Variants in USP53 observed in about 807,000 individuals in gnomAD.
USP53 encodes the protein ubiquitin carboxyl-terminal hydrolase 53.
A neutral mutation model predicts 94.9 loss-of-function variants in USP53; 71 were observed. The ratio of observed to expected loss-of-function variants is 0.75; its 90% CI spans 0.62 to 0.91. The LOEUF is 0.91. Among genes scored for constraint, USP53 ranks in the 40% least tolerant of loss-of-function variants. USP53 has a pLI of 0.00. For missense variants in USP53, 1,173 were observed against 1,281.0 expected, an observed-to-expected ratio of 0.92 and a Z score of 1.29; for synonymous variants, 375 against 422.7, an observed-to-expected ratio of 0.89 and a Z score of 1.39.
chr4:119,232,652 C>T (rs548484562), intron 3 of USP53, among the ~76,000 whole-genome samples: 77 of 152,112 alleles, frequency 5.1e-4, no homozygotes, highest in Non-Finnish European at 9.6e-4. Flanking sequence ...AATACAGACT[C>T]ACATTTGCAT....
At position 119,268,505 on chromosome 4, in the gene USP53, C is replaced by T. The variant is rs1751463671; in HGVS notation, c.1288+85C>T. On this transcript the variant is annotated intron_variant, in intron 14 of 18. Transcript: ENST00000692078. ...TATCGGAGGATGCTTACCTAGCTTT[C>T]CTTGGCTGTGAAAAGATAATAACAA... 4 of 1,321,138 alleles carry T rather than the reference C, an allele frequency of 3.0e-6. No individual in the cohort carries two copies. The South Asian group carries it at 6.8e-5, about 22-fold the overall frequency. 81.8% of individuals were successfully genotyped at this position (1,321,138 alleles called of 1,614,324 possible).
intron 7 of USP53, 82 bp downstream of exon 7, chr4:119,248,964 CA>C: frequency 6.5e-7 from 1 of 1,533,408 alleles, no homozygotes; most frequent in Non-Finnish European, 8.8e-7. Context: ...ACAAATGAAA[CA>C]AAAATTTAGA....
At position 119,292,825 on chromosome 4, in the gene USP53, G is replaced by A. The variant is rs868766748; in HGVS notation, c.2836G>A (p.Val946Ile). The change falls in exon 19 of 19, where the codon GTC (valine) becomes ATC (isoleucine). Residue 946 changes from valine (V) to isoleucine (I), a missense_variant. Val to Ile is a conservative substitution (Grantham distance 29). Transcript: ENST00000692078. ...AGAGAAAAGCGAATCTACACCTGAT[G>A]TCAAACTTACAGAGGTGTTTAAAGC... The part of the protein sequence containing the change: ...QSEKSESTPD[V>I]KLTEVFKATS... 1.9e-6 allele frequency: 3 copies of A among 1,613,978 alleles called. No individual in the cohort carries two copies. Among genetic ancestry groups the A allele is most frequent in the Admixed American group, 1.7e-5 (1 of 59,992 alleles).
At chr4:119,273,315 C>CA (rs11366529) in intron 16 of USP53, 3,623 of 141,504 alleles carry the variant, frequency 0.026, 57 homozygotes, top group African/African-American at 0.054. Context: ...GGTCCTGGCT[C>CA]AAAAAAAAAA....
chr4:119,233,171 T>C (rs1746286215), intron 3 of USP53, among the ~76,000 whole-genome samples: 1 of 137,852 alleles, frequency 7.3e-6, no homozygotes, highest in Non-Finnish European at 1.6e-5. Flanking sequence ...TGTTTCTCTC[T>C]CTCTTTTTTT....
At chr4:119,258,198 G>A (rs1409264653) in intron 9 of USP53, among the ~76,000 whole-genome samples, 3 of 152,008 alleles carry the variant, frequency 2.0e-5, no homozygotes, top group Non-Finnish European at 4.4e-5. Context: ...AACCCAGATC[G>A]GTCTGACTTC....
At chr4:119,251,060 C>A (rs995757651) in intron 7 of USP53, among the ~76,000 whole-genome samples, 3 of 151,470 alleles carry the variant, frequency 2.0e-5, no homozygotes, top group Non-Finnish European at 4.4e-5. Flanking sequence ...CCCCTAGCCC[C>A]CCACCCCCCA....
At position 119,259,936 on chromosome 4, in the gene USP53, T is replaced by C; in HGVS notation, c.675+11T>C. 1 of 1,585,610 alleles carries C rather than the reference T, an allele frequency of 6.3e-7. No homozygotes were observed. Among genetic ancestry groups the C allele is most frequent in the Non-Finnish European group, 8.6e-7 (1 of 1,163,204 alleles). Reference sequence around the variant, plus strand: ...TATAGGAAATGTCCTGTAAGTATAGTTTGGAGAATATTAGTATGCTTCTTG... The same window carrying C: ...TATAGGAAATGTCCTGTAAGTATAGCTTGGAGAATATTAGTATGCTTCTTG... On this transcript the variant is annotated intron_variant, in intron 10 of 18. Coordinates refer to ENST00000692078, the MANE Select transcript of USP53 (RefSeq NM_001371395.1).
chr4:119,271,551 A>G lies in USP53; in HGVS notation c.1691A>G (p.Gln564Arg). Residue 564 changes from glutamine to arginine, a missense_variant, in exon 16 of 19, where the codon CAA (glutamine) becomes CGA (arginine). Transcript: ENST00000692078. ...ACTGGATATGACACAGACAGCAGCC[A>G]AGATTCTAGGGATAGAGGAAACAGC... ...NGTGYDTDSS[Q>R]DSRDRGNSCD... The G allele has an allele frequency of 6.2e-7, 1 of 1,613,818 alleles. No individual in the cohort carries two copies.
chr4:119,268,355 T>A lies in USP53; in HGVS notation c.1223T>A (p.Phe408Tyr). 1 of 1,613,954 alleles carries A rather than the reference T, an allele frequency of 6.2e-7. No homozygotes were observed. The highest frequency in any genetic ancestry group is 8.5e-7 in the Non-Finnish European group (1 of 1,179,922). Residue 408 changes from phenylalanine to tyrosine, a missense_variant, in exon 14 of 19, where the codon TTT becomes TAT. Coordinates refer to ENST00000692078, the MANE Select transcript of USP53 (RefSeq NM_001371395.1). ...GCAAAGCAGAGAGAAAATCAGAAAT[T>A]TCCAACTGATAATATTTCATCATCT... Reference protein sequence around the residue: ...DQAKQRENQKFPTDNISSSNR... With the variant: ...DQAKQRENQKYPTDNISSSNR...
rs1749790840 is a variant in USP53 at position 119,256,524 on chromosome 4, G to A, written c.569+1G>A. The A allele has an allele frequency of 6.2e-7, 1 of 1,613,688 alleles. No individual in the cohort carries two copies. The highest frequency in any genetic ancestry group is 1.7e-5 in the Admixed American group (1 of 60,004). On this transcript the variant is annotated splice_donor_variant, in intron 9 of 18. Transcript: ENST00000692078. LOFTEE classifies it high-confidence loss of function. ...GGTACATTTCTACAACAGCCTTATGGTAAGAACCTATTAAAGCTTAATTAT... is the reference window on the plus strand; with the variant it reads ...GGTACATTTCTACAACAGCCTTATGATAAGAACCTATTAAAGCTTAATTAT...
intron 3 of USP53, among the ~76,000 whole-genome samples, chr4:119,224,464 T>C (rs1400505382): frequency 6.6e-6 from 1 of 152,244 alleles, no homozygotes; most frequent in African/African-American, 2.4e-5. Flanking sequence ...TTTCTTAGCA[T>C]GTATGAGGTT....
chr4:119,231,822 ATGT>A (rs2149301872), intron 3 of USP53, among the ~76,000 whole-genome samples: 1 of 152,266 alleles, frequency 6.6e-6, no homozygotes, highest in African/African-American at 2.4e-5. Flanking sequence ...GACGTGTAAA[ATGT>A]TGTGTACCAG....
intron 4 of USP53, among the ~76,000 whole-genome samples, chr4:119,237,640 G>T (rs751483564): frequency 6.6e-6 from 1 of 151,854 alleles, no homozygotes; most frequent in Non-Finnish European, 1.5e-5. Context: ...GTCCTAGATG[G>T]CATCTTCTTC....
At chr4:119,285,381 T>G (rs954862187) in intron 17 of USP53, among the ~76,000 whole-genome samples, 1 of 151,846 alleles carries the variant, frequency 6.6e-6, no homozygotes, top group African/African-American at 2.4e-5. Flanking sequence ...ACAAAAGAAT[T>G]ATTAGGTCTT....
intron 17 of USP53, among the ~76,000 whole-genome samples, chr4:119,282,945 A>G (rs1753674187): frequency 6.6e-6 from 1 of 151,980 alleles, no homozygotes; most frequent in Admixed American, 6.6e-5. Context: ...TTTTCTTGAC[A>G]TTTTGTCAAT....
chr4:119,222,666 TACATACC>T (rs1561186720), intron 3 of USP53, among the ~76,000 whole-genome samples: 1 of 152,204 alleles, frequency 6.6e-6, no homozygotes, highest in African/African-American at 2.4e-5. Context: ...CCATTATGTA[TACATACC>T]ACATTTTCTT....
Position 119,259,885 on chromosome 4 carries a change from T to C in USP53, c.635T>C (p.Leu212Pro). ...RFKPEMFAEL[L>P]QAANTTDDYR... ...AAACCTGAAATGTTTGCAGAATTGC[T>C]ACAAGCAGCAAATACAACAGATGAC... Residue 212 changes from leucine to proline, a missense_variant, in exon 10 of 19, where the codon CTA becomes CCA. By Grantham distance (98) the Leu-to-Pro change is moderately conservative. Coordinates refer to ENST00000692078, the MANE Select transcript of USP53 (RefSeq NM_001371395.1). 6.2e-7 allele frequency: 1 copy of C among 1,612,386 alleles called. No homozygotes were observed. Among genetic ancestry groups the C allele is most frequent in the Non-Finnish European group, 8.5e-7 (1 of 1,179,154 alleles).
intron 12 of USP53, among the ~76,000 whole-genome samples, chr4:119,264,012 C>T (rs1474202273): frequency 6.6e-6 from 1 of 152,130 alleles, no homozygotes; most frequent in African/African-American, 2.4e-5. Context: ...TTGCAGTGAG[C>T]CGAGATCGCG....
Sources: allele counts gnomAD v4.1 joint callset (sites outside exome capture counted in the v4.1 genomes callset), GRCh38; gene constraint gnomAD v4.1.1; transcripts MANE v1.5; gene names NCBI Gene and HGNC (gene_info 2026-07-23, HGNC 2026-07-21).